Variants in EIF4E3 observed in about 807,000 individuals in gnomAD.
EIF4E3 encodes the protein eukaryotic translation initiation factor 4E type 3.
In EIF4E3, 26 loss-of-function variants were observed where a neutral mutation model predicts 31.7. The observed-to-expected ratio is 0.82, with a 90% CI of 0.60 to 1.14. The LOEUF (loss-of-function observed/expected upper bound fraction) is 1.14. EIF4E3 is among the 50% of genes most tolerant of loss of function. EIF4E3 has a pLI of 0.00. For missense variants in EIF4E3, 304 were observed against 270.9 expected (o/e 1.12, Z -0.86); for synonymous variants, 128 against 107.7 (o/e 1.19, Z -1.17).
chr3:71,662,038 G>A, the EIF4E3 span, among the ~76,000 whole-genome samples: 6 of 152,156 alleles, frequency 3.9e-5, no homozygotes, highest in Admixed American at 6.5e-5. Flanking sequence ...AAAAGAGTCT[G>A]GCACAGGGTC....
intron 6 of EIF4E3, among the ~76,000 whole-genome samples, chr3:71,687,175 T>C (rs951192694): frequency 3.3e-5 from 5 of 152,174 alleles, no homozygotes; most frequent in African/African-American, 9.7e-5. Context: ...TAGCTTTTTA[T>C]ATTTTTAGTA....
At chr3:71,694,333 A>G (rs1040545461) in intron 4 of EIF4E3, among the ~76,000 whole-genome samples, 2 of 152,228 alleles carry the variant, frequency 1.3e-5, no homozygotes, top group African/African-American at 4.8e-5. Flanking sequence ...TTTCTCTTCA[A>G]AATCCTTTCT....
In EIF4E3 at chr3:71,699,621, G is replaced by T; in HGVS notation, c.337C>A (p.Pro113Thr). The T allele has an allele frequency of 6.2e-7, 1 of 1,613,596 alleles. No homozygotes were observed. The highest frequency in any genetic ancestry group is 8.5e-7 in the Non-Finnish European group (1 of 1,179,868). ...TACACGTTAGACACTTACCAAAGTG[G>T]TCGCCTCTCTCCTCTCATTAAATGA... ...SYHLMRGERR[P>T]LWEEESNAKG... The change falls in exon 3 of 7, where the codon CCA (proline) becomes ACA (threonine). Residue 113 changes from proline to threonine, a missense_variant. By Grantham distance (38) the Pro-to-Thr change is conservative. Transcript: ENST00000425534.
chr3:71,705,086 T>C (rs943794941), intron 2 of EIF4E3, among the ~76,000 whole-genome samples: 2 of 152,186 alleles, frequency 1.3e-5, no homozygotes, highest in Non-Finnish European at 2.9e-5. Context: ...GTGTTGGCTT[T>C]CCTCCTCTCT....
intron 1 of EIF4E3, among the ~76,000 whole-genome samples, chr3:71,721,530 C>T (rs1289420738): frequency 6.6e-6 from 1 of 152,144 alleles, no homozygotes; most frequent in South Asian, 2.1e-4. Context: ...ATGTCAAGGG[C>T]AGGACCAGGT....
At position 71,684,429 on chromosome 3, in the gene EIF4E3, A is replaced by G; in HGVS notation, c.*253T>C. 1 of 359,036 alleles carries G rather than the reference A, an allele frequency of 2.8e-6. No homozygotes were observed. The highest frequency in any genetic ancestry group is 5.0e-6 in the Non-Finnish European group (1 of 199,364). 22.2% of individuals were successfully genotyped at this position (359,036 alleles called of 1,614,324 possible). On this transcript the variant is annotated 3_prime_UTR_variant, in exon 7 of 7. Transcript: ENST00000425534. Reference sequence around the variant, plus strand: ...AAAAATCAGAGTGAAAAGAACAGAGAATTTAGAAAGCCAAAAAAAAAGTTT... The same window carrying G: ...AAAAATCAGAGTGAAAAGAACAGAGGATTTAGAAAGCCAAAAAAAAAGTTT...
chr3:71,751,620 G>A (rs116808527), intron 1 of EIF4E3, among the ~76,000 whole-genome samples: 348 of 152,282 alleles, frequency 2.3e-3, no homozygotes, highest in African/African-American at 7.3e-3. Flanking sequence ...AAAGAAATAA[G>A]AAACCATTTC....
intron 1 of EIF4E3, among the ~76,000 whole-genome samples, chr3:71,742,224 G>A (rs1035459149): frequency 1.3e-5 from 2 of 152,078 alleles, no homozygotes; most frequent in East Asian, 3.8e-4. Context: ...CTGGTTATTT[G>A]AGACTGAAAA....
chr3:71,698,016 T>C (rs1014272584), intron 3 of EIF4E3, among the ~76,000 whole-genome samples: 18 of 152,220 alleles, frequency 1.2e-4, no homozygotes, highest in African/African-American at 4.3e-4. Context: ...GCTGTGCTAA[T>C]CTACATTTCC....
At chr3:71,674,472 G>A (rs1266880151), downstream of EIF4E3, among the ~76,000 whole-genome samples, 1 of 152,064 alleles carries the variant, frequency 6.6e-6, no homozygotes, top group Admixed American at 6.5e-5. Flanking sequence ...AGTTCATTTC[G>A]GTTTTAAGTT....
chr3:71,746,157 A>G (rs1298064504), intron 1 of EIF4E3, among the ~76,000 whole-genome samples: 2 of 152,228 alleles, frequency 1.3e-5, no homozygotes, highest in Non-Finnish European at 2.9e-5. Context: ...TTTGGTCCAG[A>G]CAGACTGGAA....
At chr3:71,735,854 G>A (rs920390615) in intron 1 of EIF4E3, among the ~76,000 whole-genome samples, 1 of 151,660 alleles carries the variant, frequency 6.6e-6, no homozygotes, top group African/African-American at 2.4e-5. Flanking sequence ...TGGTTAAAAT[G>A]CTGAGGTCTT....
intron 1 of EIF4E3, among the ~76,000 whole-genome samples, chr3:71,748,203 T>C (rs968806146): frequency 1.3e-4 from 8 of 60,166 alleles, no homozygotes; most frequent in African/African-American, 3.9e-4. Context: ...TTGGTTTATA[T>C]GTGATTTTTT....
At position 71,679,348 on chromosome 3, in the gene EIF4E3, T is replaced by C. The variant is rs891882489; in HGVS notation, c.*5334A>G. On this transcript the variant is annotated 3_prime_UTR_variant, in exon 7 of 7. Transcript: ENST00000425534. ...TTAATAGATCCGAAATAAACATCTGTTCCAAAATAAAAGTTCAAGAAAAAT... is the reference window on the plus strand; with the variant it reads ...TTAATAGATCCGAAATAAACATCTGCTCCAAAATAAAAGTTCAAGAAAAAT... 2.6e-5 allele frequency: 4 copies of C among 152,184 alleles called. No individual in the cohort carries two copies. 9.4% of individuals were successfully genotyped at this position (152,184 alleles called of 1,614,324 possible). A position where few individuals can be genotyped will look rare whatever the true frequency, so the allele number is the denominator to read the frequency against.
At chr3:71,743,193 A>C (rs2049837819) in intron 1 of EIF4E3, among the ~76,000 whole-genome samples, 1 of 152,182 alleles carries the variant, frequency 6.6e-6, no homozygotes, top group African/African-American at 2.4e-5. Flanking sequence ...GACTGAAAAA[A>C]CGGTAACATT....
At chr3:71,699,766 C>T (rs1159176178) in intron 2 of EIF4E3, 58 bp from the exon 3 acceptor site, 3 of 1,426,718 alleles carry the variant, frequency 2.1e-6, no homozygotes, top group African/African-American at 2.8e-5. Flanking sequence ...TATTATGCTG[C>T]TAGATTATCA....
At chr3:71,727,568 C>A (rs949675389), upstream of EIF4E3, among the ~76,000 whole-genome samples, 2 of 152,162 alleles carry the variant, frequency 1.3e-5, no homozygotes, top group South Asian at 2.1e-4. Flanking sequence ...CTTTCTTCAT[C>A]TACACAAGCT....
chr3:71,749,831 G>A (rs1239973506), intron 1 of EIF4E3, among the ~76,000 whole-genome samples: 1 of 152,340 alleles, frequency 6.6e-6, no homozygotes, highest in East Asian at 1.9e-4. Flanking sequence ...GCAATTTGGT[G>A]CCTAAGAAAG....
the EIF4E3 span, among the ~76,000 whole-genome samples, chr3:71,660,337 A>T: frequency 6.6e-6 from 1 of 152,182 alleles, no homozygotes; most frequent in Non-Finnish European, 1.5e-5. Context: ...AGCTGAAAAA[A>T]AAAAGAAAGA....
Sources: gnomAD v4.1 joint callset for allele counts (sites outside exome capture counted in the v4.1 genomes callset) on GRCh38, gnomAD v4.1.1 for gene constraint, MANE v1.5 for transcripts, NCBI Gene and HGNC (gene_info 2026-07-23, HGNC 2026-07-21) for gene names.